The following FAM107A variants were observed in gnomAD, a reference collection of about 807,000 sequenced individuals.
FAM107A encodes the protein actin-associated protein FAM107A.
FAM107A carries 19 observed loss-of-function variants against 13.7 expected under a neutral mutation model. That is an observed-to-expected ratio of 1.38 (90% CI 0.97 to 2.03). FAM107A has a LOEUF of 2.03. FAM107A is among the 30% of genes most tolerant of loss of function. FAM107A has a pLI of 0.00. For missense variants in FAM107A, 203 were observed against 184.4 expected, an observed-to-expected ratio of 1.10 and a Z score of -0.58; for synonymous variants, 82 against 74.5, an observed-to-expected ratio of 1.10 and a Z score of -0.52.
intron 1 of FAM107A, among the ~76,000 whole-genome samples, chr3:58,614,485 A>G (rs1235623470): frequency 1.3e-5 from 2 of 149,946 alleles, no homozygotes; most frequent in African/African-American, 2.5e-5. Flanking sequence ...TCATGATTCA[A>G]TTTCTTATCT....
intron 2 of FAM107A, among the ~76,000 whole-genome samples, chr3:58,567,853 C>T (rs1445658969): frequency 6.6e-6 from 1 of 152,154 alleles, no homozygotes; most frequent in Non-Finnish European, 1.5e-5. Flanking sequence ...ATCTGCTTTT[C>T]ATTTGTTTCT....
At chr3:58,625,968 T>C (rs1283027222) in intron 1 of FAM107A, among the ~76,000 whole-genome samples, 1 of 152,200 alleles carries the variant, frequency 6.6e-6, no homozygotes, top group East Asian at 1.9e-4. Flanking sequence ...GGTAGCACAC[T>C]GAGCACTTCA....
At chr3:58,585,837 A>G (rs1480101719) in intron 1 of FAM107A, among the ~76,000 whole-genome samples, 1 of 152,172 alleles carries the variant, frequency 6.6e-6, no homozygotes, top group Non-Finnish European at 1.5e-5. Context: ...ACATCCCTGT[A>G]TTCTCCGAAT....
chr3:58,595,858 G>A (rs2065703185), intron 1 of FAM107A, among the ~76,000 whole-genome samples: 1 of 152,190 alleles, frequency 6.6e-6, no homozygotes, highest in African/African-American at 2.4e-5. Flanking sequence ...GTGAGTGAGA[G>A]AATCTCCACC....
At chr3:58,606,980 T>C (rs1394465806) in intron 1 of FAM107A, 2 of 152,178 alleles carry the variant, frequency 1.3e-5, no homozygotes, top group Non-Finnish European at 2.9e-5. Flanking sequence ...TCCTGAAGAC[T>C]TCATTTAAGA....
chr3:58,595,540 G>A (rs11130656), intron 1 of FAM107A, among the ~76,000 whole-genome samples: 34,529 of 152,052 alleles, frequency 0.23, 4,590 homozygotes, highest in South Asian at 0.48. Context: ...CCTTGAGAAT[G>A]TACTTTTTAA....
intron 1 of FAM107A, among the ~76,000 whole-genome samples, chr3:58,618,008 C>T (rs2065919380): frequency 6.6e-6 from 1 of 152,154 alleles, no homozygotes; most frequent in African/African-American, 2.4e-5. Flanking sequence ...TTGAGTCGAG[C>T]GTCTGCTTTG....
upstream of FAM107A, among the ~76,000 whole-genome samples, chr3:58,579,174 G>C (rs2063752796): frequency 6.6e-6 from 1 of 152,134 alleles, no homozygotes; most frequent in African/African-American, 2.4e-5. Context: ...GTACACATGG[G>C]AGAGTCTTCG....
Position 58,584,023 on chromosome 3 carries a change from C to T in FAM107A, c.79+2835G>A, listed in dbSNP as rs562019377. ...GAATCTGTAATGTCCTCCTTGGGGG[C>T]TTCTCAACGAAAGGAGTGCTCACCC... On this transcript the variant is annotated intron_variant, in intron 1 of 3. Coordinates refer to the FAM107A transcript ENST00000447756. Among the ~76,000 whole-genome samples, 4 of 152,292 alleles carry T rather than the reference C, an allele frequency of 2.6e-5. No individual in the cohort carries two copies. The South Asian group carries it at 8.3e-4, about 32-fold the overall frequency.
upstream of FAM107A, among the ~76,000 whole-genome samples, chr3:58,578,372 A>G (rs2063747188): frequency 6.6e-6 from 1 of 152,206 alleles, no homozygotes; most frequent in Admixed American, 6.5e-5. Context: ...GTTTGAGAAC[A>G]GCCTGGCCAA....
At position 58,566,435 on chromosome 3, in the gene FAM107A, G is replaced by T; in HGVS notation, c.*153C>A. ...CTTAGGGGCCCCAGCCTCCCAGGGAGAGCCAGGCCCTCTGGGGTGACACAT... is the reference window on the plus strand; with the variant it reads ...CTTAGGGGCCCCAGCCTCCCAGGGATAGCCAGGCCCTCTGGGGTGACACAT... On this transcript the variant is annotated 3_prime_UTR_variant, in exon 4 of 4. Coordinates refer to ENST00000360997, the MANE Select transcript of FAM107A (RefSeq NM_001076778.3). 1 of 618,578 alleles carries T rather than the reference G, an allele frequency of 1.6e-6. No homozygotes were observed. The highest frequency in any genetic ancestry group is 2.2e-5 in the South Asian group (1 of 46,172). 38.3% of individuals were successfully genotyped at this position (618,578 alleles called of 1,614,324 possible). A position where few individuals can be genotyped will look rare whatever the true frequency, so the allele number is the denominator to read the frequency against.
chr3:58,605,811 G>A (rs2065789549), intron 1 of FAM107A, among the ~76,000 whole-genome samples: 1 of 152,128 alleles, frequency 6.6e-6, no homozygotes, highest in African/African-American at 2.4e-5. Context: ...AGGTTCAGAG[G>A]GGTACAGTGA....
At chr3:58,580,781 G>A (rs118109288), upstream of FAM107A, among the ~76,000 whole-genome samples, 56 of 151,638 alleles carry the variant, frequency 3.7e-4, no homozygotes, top group East Asian at 9.8e-3. Flanking sequence ...GTTCTACAGC[G>A]TAAAATTACA....
intron 1 of FAM107A, chr3:58,586,758 A>G: frequency 1.6e-6 from 2 of 1,232,500 alleles, no homozygotes; most frequent in Non-Finnish European, 2.1e-6. Flanking sequence ...GCAACGAAGC[A>G]GAGGCGCCCA....
chr3:58,610,280 G>A (rs1358850477), intron 1 of FAM107A, among the ~76,000 whole-genome samples: 2 of 152,184 alleles, frequency 1.3e-5, no homozygotes, highest in Non-Finnish European at 2.9e-5. Flanking sequence ...GAGATGGTAA[G>A]TAACTCTCCC....
rs2063609153 is a variant in FAM107A at position 58,565,341 on chromosome 3, TG to T, written c.*1246del. The T allele has an allele frequency of 6.7e-6, 1 of 150,164 alleles. No homozygotes were observed. Among genetic ancestry groups the T allele is most frequent in the Non-Finnish European group, 1.5e-5 (1 of 67,688 alleles). 9.3% of individuals were successfully genotyped at this position (150,164 alleles called of 1,614,324 possible). ...AGGGGCCAGTCCATAAAGGTGGCAG[TG>T]GGGTCTTCAAACCACTGTTTCTATT... On this transcript the variant is annotated 3_prime_UTR_variant, in exon 4 of 4. Transcript: ENST00000360997.
upstream of FAM107A, among the ~76,000 whole-genome samples, chr3:58,579,134 G>T (rs2063752552): frequency 6.6e-6 from 1 of 152,170 alleles, no homozygotes; most frequent in Admixed American, 6.5e-5. Flanking sequence ...TAGGGTAGCA[G>T]AATCACAAGG....
upstream of FAM107A, among the ~76,000 whole-genome samples, chr3:58,589,700 C>T (rs1037793192): frequency 2.6e-5 from 4 of 152,168 alleles, no homozygotes; most frequent in African/African-American, 9.7e-5. Context: ...AAAGTGCATA[C>T]TTTATTCAGA....
At chr3:58,608,357 A>T (rs745801066) in intron 1 of FAM107A, among the ~76,000 whole-genome samples, 1 of 152,344 alleles carries the variant, frequency 6.6e-6, no homozygotes, top group Non-Finnish European at 1.5e-5. Flanking sequence ...TAAAATAAGA[A>T]GGAAATGGGC....
Sources: gnomAD v4.1 joint callset for allele counts (sites outside exome capture counted in the v4.1 genomes callset) on GRCh38, gnomAD v4.1.1 for gene constraint, MANE v1.5 for transcripts, NCBI Gene and HGNC (gene_info 2026-07-23, HGNC 2026-07-21) for gene names.